The following DNAH8 variants were observed in gnomAD, a reference collection of about 807,000 sequenced individuals.
The protein encoded by DNAH8 is dynein axonemal heavy chain 8.
DNAH8 carries 382 observed loss-of-function variants against 562.1 expected under a neutral mutation model. The observed-to-expected ratio is 0.68, with a 90% confidence interval of 0.63 to 0.74. DNAH8 has a LOEUF of 0.74. DNAH8 is among the 30% of genes least tolerant of loss of function. The pLI, the probability that DNAH8 is intolerant of heterozygous loss-of-function variation, is 0.00. For synonymous variants in DNAH8, 1,881 were observed against 1,919.4 expected, an observed-to-expected ratio of 0.98 and a Z score of 0.52; for missense variants, 5,203 against 5,620.4, an observed-to-expected ratio of 0.93 and a Z score of 2.37.
chr6:38,873,707 T>C (rs972311964), intron 52 of DNAH8, among the ~76,000 whole-genome samples: 1 of 138,444 alleles, frequency 7.2e-6, no homozygotes, highest in African/African-American at 2.7e-5. Context: ...TTAAAATAAA[T>C]AAAAAATAAC....
At chr6:38,754,668 G>A (rs914876915) in intron 9 of DNAH8, among the ~76,000 whole-genome samples, 3 of 152,220 alleles carry the variant, frequency 2.0e-5, no homozygotes, top group Admixed American at 6.5e-5. Context: ...TTTGCATCAC[G>A]GTTAGAAGCA....
At position 38,783,046 on chromosome 6, in the gene DNAH8, A is replaced by G. The variant is rs780122329; in HGVS notation, c.2302A>G (p.Ile768Val). ...ILSSPDGKAV[I>V]RQYNKISYVL... ...ATCAAGTCCGGACGGTAAAGCTGTC[A>G]TCCGTCAGTATAACAAGATCTCCTA... The change falls in exon 17 of 93, where the codon ATC becomes GTC. Residue 768 changes from isoleucine to valine, a missense_variant. By Grantham distance (29) the Ile-to-Val change is conservative (BLOSUM62 3). Transcript: ENST00000327475. 1.9e-6 allele frequency: 3 copies of G among 1,613,992 alleles called. No individual in the cohort carries two copies. In the South Asian group the frequency reaches 3.3e-5, roughly 18 times the overall value.
chr6:38,904,517 G>T (rs546468719), intron 62 of DNAH8, among the ~76,000 whole-genome samples: 4 of 152,076 alleles, frequency 2.6e-5, no homozygotes, highest in African/African-American at 9.7e-5. Context: ...CTGGCCGGGC[G>T]CCCTGGCTCA....
At chr6:39,010,820 C>CACACACGTAT (rs1554163118) in intron 89 of DNAH8, among the ~76,000 whole-genome samples, 1 of 132,760 alleles carries the variant, frequency 7.5e-6, no homozygotes, top group African/African-American at 2.9e-5. Context: ...CACACACACA[C>CACACACGTAT]GTATGTATGT....
At chr6:38,820,521 C>G (rs1035706811) in intron 26 of DNAH8, among the ~76,000 whole-genome samples, 3 of 152,094 alleles carry the variant, frequency 2.0e-5, no homozygotes, top group East Asian at 1.9e-4. Context: ...TCAAGACATA[C>G]AAAGCTCAAA....
Position 38,722,787 on chromosome 6 carries a change from T to A in DNAH8, c.-23T>A. 1 of 1,551,998 alleles carries A rather than the reference T, an allele frequency of 6.4e-7. No individual in the cohort carries two copies. Among genetic ancestry groups the A allele is most frequent in the South Asian group, 1.2e-5 (1 of 81,958 alleles). On this transcript the variant is annotated 5_prime_UTR_variant, in exon 2 of 93. Coordinates refer to ENST00000327475, the MANE Select transcript of DNAH8 (RefSeq NM_001206927.2). The stretch of plus-strand genomic sequence containing the variant: ...TGTTATAATTCTAGGTTTCGAAGTA[T>A]AAAGCATTCCGCACGACGGGGGATG...
chr6:38,762,701 G>T (rs534423922), intron 11 of DNAH8, among the ~76,000 whole-genome samples: 7 of 152,234 alleles, frequency 4.6e-5, no homozygotes, highest in African/African-American at 1.4e-4. Flanking sequence ...ATCTGGAAGT[G>T]GTTATTGGTC....
At chr6:39,001,134 C>T (rs993153758) in intron 88 of DNAH8, among the ~76,000 whole-genome samples, 3 of 151,992 alleles carry the variant, frequency 2.0e-5, no homozygotes, top group Non-Finnish European at 2.9e-5. Context: ...CAGAGTGTGG[C>T]TTTTGAAGGT....
At position 38,737,237 on chromosome 6, in the gene DNAH8, A is replaced by G. The variant is rs200985360; in HGVS notation, c.933A>G (p.Arg311=). ...ATATTTTCACTGAAACCATCAACAG[A>G]TATCTTTCATTTTTAGATGGTAAGT... ...EKHIFTETIN[R]YLSFLDGARI... is the part of the protein sequence containing the mutation. Residue 311 remains arginine, a synonymous_variant, in exon 6 of 93, where the codon AGA becomes AGG. Transcript: ENST00000327475. The G allele has an allele frequency of 1.3e-5, 19 of 1,449,724 alleles. No individual in the cohort carries two copies. The highest frequency in any genetic ancestry group is 1.6e-5 in the Non-Finnish European group (17 of 1,095,066). The allele number at this position is 1,449,724 out of a possible 1,614,324, so 89.8% of individuals were successfully genotyped here.
intron 53 of DNAH8, 82 bp from the exon 54 acceptor site, chr6:38,882,828 T>C: frequency 1.1e-6 from 1 of 911,060 alleles, no homozygotes; most frequent in Non-Finnish European, 1.6e-6. Context: ...ATTGATTGTT[T>C]ATTGCACTTA....
In DNAH8 at chr6:38,943,883, G is replaced by A. The variant is rs192126955; in HGVS notation, c.12008-1584G>A. Among the ~76,000 whole-genome samples, 3 of 152,270 alleles carry A rather than the reference G, an allele frequency of 2.0e-5. No individual in the cohort carries two copies. The East Asian group carries it at 5.8e-4, about 29-fold the overall frequency. On this transcript the variant is annotated intron_variant, in intron 79 of 92. Coordinates refer to ENST00000327475, the MANE Select transcript of DNAH8 (RefSeq NM_001206927.2). ...AACCTTCACAGCAGCCAATCTGGTA[G>A]ATTCTATCAGACATCCACTTGGCAG...
intron 88 of DNAH8, among the ~76,000 whole-genome samples, chr6:38,996,355 T>C (rs9380818): frequency 0.81 from 122,657 of 152,028 alleles, 50,161 homozygotes; most frequent in Middle Eastern, 0.88. Context: ...AAAACATCAA[T>C]ATGCCACATA....
At chr6:38,990,561 G>A (rs1408563570) in intron 88 of DNAH8, among the ~76,000 whole-genome samples, 3 of 152,180 alleles carry the variant, frequency 2.0e-5, no homozygotes, top group Non-Finnish European at 1.5e-5. Context: ...AAAAAGCCAG[G>A]TGAGAACAGA....
chr6:38,734,747 A>G, intron 5 of DNAH8, 122 bp downstream of exon 5: 1 of 1,084,268 alleles, frequency 9.2e-7, no homozygotes, highest in South Asian at 1.9e-5. Context: ...CAAGAAAATA[A>G]ATGTATTCAT....
At chr6:38,992,122 C>T (rs938037621) in intron 88 of DNAH8, among the ~76,000 whole-genome samples, 44 of 152,232 alleles carry the variant, frequency 2.9e-4, no homozygotes, top group Admixed American at 9.8e-4. Context: ...TGCACCACCA[C>T]GCCTGGCTAA....
intron 30 of DNAH8, among the ~76,000 whole-genome samples, chr6:38,831,760 T>C (rs1412212955): frequency 6.6e-6 from 1 of 152,186 alleles, no homozygotes; most frequent in Non-Finnish European, 1.5e-5. Context: ...ATTAGCATAT[T>C]ACAATTTTCT....
At chr6:38,946,133 G>C (rs957307527) in intron 80 of DNAH8, among the ~76,000 whole-genome samples, 13 of 152,154 alleles carry the variant, frequency 8.5e-5, no homozygotes, top group Non-Finnish European at 1.5e-4. Flanking sequence ...ATGAGACTCA[G>C]AATAAAGATA....
chr6:39,023,087 G>A (rs1767031612), intron 91 of DNAH8, among the ~76,000 whole-genome samples: 1 of 152,132 alleles, frequency 6.6e-6, no homozygotes, highest in Non-Finnish European at 1.5e-5. Context: ...GGTTACTATT[G>A]TTGAAGATTT....
At chr6:38,915,414 C>G in intron 68 of DNAH8, 37 bp downstream of exon 68, 7 of 1,428,846 alleles carry the variant, frequency 4.9e-6, no homozygotes, top group Non-Finnish European at 6.4e-6. Flanking sequence ...AACACAAGTC[C>G]TAGAAGGCTT....
Sources: gnomAD v4.1 joint callset for allele counts (sites outside exome capture counted in the v4.1 genomes callset) on GRCh38, gnomAD v4.1.1 for gene constraint, MANE v1.5 for transcripts, NCBI Gene and HGNC (gene_info 2026-07-23, HGNC 2026-07-21) for gene names.